COG6: variants seen among roughly 807,000 people sequenced by gnomAD.
COG6 encodes component of oligomeric golgi complex 6, also known as conserved oligomeric Golgi complex subunit 6.
In COG6, 74 loss-of-function variants were observed where a neutral mutation model predicts 88.8. That is an observed-to-expected ratio of 0.83 (90% CI 0.69 to 1.01). The LOEUF is 1.01. COG6 is among the 50% of genes least tolerant of loss of function. The pLI is 0.00. For synonymous variants in COG6, 286 were observed against 278.7 expected, an observed-to-expected ratio of 1.03 and a Z score of -0.26; for missense variants, 800 against 797.9, an observed-to-expected ratio of 1.00 and a Z score of -0.03.
intron 13 of COG6, among the ~76,000 whole-genome samples, chr13:39,714,917 A>C (rs541366989): frequency 1.3e-5 from 2 of 152,316 alleles, no homozygotes; most frequent in South Asian, 4.1e-4. Context: ...ACTTGAATGG[A>C]GCAGGAGGCC....
At chr13:39,694,254 G>A (rs1019451959) in intron 11 of COG6, among the ~76,000 whole-genome samples, 4 of 151,534 alleles carry the variant, frequency 2.6e-5, no homozygotes, top group Admixed American at 2.0e-4. Flanking sequence ...TGAATATTTA[G>A]CAATAAAGCA....
chr13:39,746,940 C>T (rs1267843416), intron 18 of COG6, among the ~76,000 whole-genome samples: 1 of 151,984 alleles, frequency 6.6e-6, no homozygotes, highest in Admixed American at 6.6e-5. Flanking sequence ...TGTATTTATT[C>T]ATGTAGGTAG....
At chr13:39,670,069 T>C (rs1460121958) in intron 4 of COG6, among the ~76,000 whole-genome samples, 1 of 152,244 alleles carries the variant, frequency 6.6e-6, no homozygotes, top group South Asian at 2.1e-4. Flanking sequence ...TTCAGACAAA[T>C]GTATGAATGA....
rs1357248261 is a variant in COG6 at position 39,655,721 on chromosome 13, A to C, written c.-6A>C. 3.1e-6 allele frequency: 5 copies of C among 1,589,276 alleles called. No individual in the cohort carries two copies. The highest frequency in any genetic ancestry group is 2.3e-5 in the East Asian group (1 of 43,466). On this transcript the variant is annotated 5_prime_UTR_variant, in exon 1 of 19. Coordinates refer to ENST00000455146, the MANE Select transcript of COG6 (RefSeq NM_020751.3). Reference sequence around the variant, plus strand: ...GGTGGCAGCAGGGGGCGGGACGCGCAGCGCTATGGCAGAGGGCAGCGGGGA... The same window carrying C: ...GGTGGCAGCAGGGGGCGGGACGCGCCGCGCTATGGCAGAGGGCAGCGGGGA...
chr13:39,668,447 T>C lies in COG6; in HGVS notation c.428+3293T>C, dbSNP rs1373411835. Among the ~76,000 whole-genome samples, 3 of 152,180 alleles carry C rather than the reference T, an allele frequency of 2.0e-5. No individual in the cohort carries two copies. The East Asian group carries it at 5.8e-4, about 29-fold the overall frequency. On this transcript the variant is annotated intron_variant, in intron 4 of 18. Coordinates refer to ENST00000455146, the MANE Select transcript of COG6 (RefSeq NM_020751.3). ...ACTTTGAAAAAACATTTTAACTTTT[T>C]AAATGTTAAACTTTATATTTTGAGA...
At chr13:39,710,072 A>G (rs948964739) in intron 13 of COG6, among the ~76,000 whole-genome samples, 9 of 152,190 alleles carry the variant, frequency 5.9e-5, no homozygotes, top group African/African-American at 1.9e-4. Context: ...GATTAAATCT[A>G]TAGATCAGTT....
chr13:39,692,242 C>G (rs766916044), intron 11 of COG6, among the ~76,000 whole-genome samples: 1 of 151,826 alleles, frequency 6.6e-6, no homozygotes. Flanking sequence ...TGTCTTTATT[C>G]CAAAACTGTA....
At chr13:39,696,845 G>A (rs1467230646) in intron 12 of COG6, among the ~76,000 whole-genome samples, 1 of 150,956 alleles carries the variant, frequency 6.6e-6, no homozygotes, top group Non-Finnish European at 1.5e-5. Flanking sequence ...TTAGAAAGCA[G>A]TTTGTGCTCC....
At chr13:39,696,151 A>G (rs146447707) in intron 12 of COG6, among the ~76,000 whole-genome samples, 1,263 of 98,444 alleles carry the variant, frequency 0.013, 21 homozygotes, top group African/African-American at 0.046. Context: ...GAAGATGACA[A>G]TTAAAATCTT....
intron 18 of COG6, among the ~76,000 whole-genome samples, chr13:39,781,518 C>T (rs1303960439): frequency 6.7e-6 from 1 of 150,270 alleles, no homozygotes; most frequent in African/African-American, 2.5e-5. Flanking sequence ...AGGCTGTGAT[C>T]GCTGAATAAC....
At chr13:39,710,700 G>T (rs1433886673) in intron 13 of COG6, among the ~76,000 whole-genome samples, 1 of 152,096 alleles carries the variant, frequency 6.6e-6, no homozygotes, top group Non-Finnish European at 1.5e-5. Flanking sequence ...TATCATTAAT[G>T]CTTAAATACC....
At chr13:39,720,646 T>A (rs1878802074) in intron 15 of COG6, among the ~76,000 whole-genome samples, 1 of 152,078 alleles carries the variant, frequency 6.6e-6, no homozygotes, top group Non-Finnish European at 1.5e-5. Context: ...CAGTGTACCA[T>A]CCTCTCCACC....
chr13:39,688,950 A>G (rs1566180623), intron 10 of COG6, among the ~76,000 whole-genome samples: 3 of 152,186 alleles, frequency 2.0e-5, no homozygotes. Context: ...TATCTGCAAG[A>G]TGAGTCAGTG....
chr13:39,689,293 G>T (rs142363625), intron 10 of COG6, among the ~76,000 whole-genome samples: 1 of 152,132 alleles, frequency 6.6e-6, no homozygotes, highest in Non-Finnish European at 1.5e-5. Flanking sequence ...TTGATAAATA[G>T]TTGGTGTTTT....
At chr13:39,723,688 G>A (rs1257603448) in intron 16 of COG6, among the ~76,000 whole-genome samples, 1 of 151,964 alleles carries the variant, frequency 6.6e-6, no homozygotes, top group Non-Finnish European at 1.5e-5. Flanking sequence ...ATGGTAGAGT[G>A]CCCCACAGTA....
At chr13:39,722,260 A>G (rs963290020) in intron 15 of COG6, among the ~76,000 whole-genome samples, 1 of 151,490 alleles carries the variant, frequency 6.6e-6, no homozygotes, top group East Asian at 1.9e-4. Flanking sequence ...TTTGGTTTCT[A>G]GTAAATCCAG....
chr13:39,715,217 T>A (rs1031500233), intron 13 of COG6, among the ~76,000 whole-genome samples: 38 of 151,854 alleles, frequency 2.5e-4, no homozygotes, highest in African/African-American at 6.0e-4. Flanking sequence ...TAAAAAAAAA[T>A]TTTTAAAGAT....
intron 5 of COG6, 105 bp downstream of exon 5, chr13:39,677,684 T>G: frequency 1.6e-6 from 1 of 624,500 alleles, no homozygotes; most frequent in South Asian, 2.1e-5. Context: ...AAGTTTCATC[T>G]GAGAATATTT....
intron 18 of COG6, among the ~76,000 whole-genome samples, chr13:39,783,471 A>T (rs1881687986): frequency 6.6e-6 from 1 of 152,126 alleles, no homozygotes; most frequent in African/African-American, 2.4e-5. Context: ...TCCTAATGTC[A>T]TAAACACAAT....
Sources: gnomAD v4.1 joint callset for allele counts (sites outside exome capture counted in the v4.1 genomes callset) on GRCh38, gnomAD v4.1.1 for gene constraint, MANE v1.5 for transcripts, NCBI Gene and HGNC (gene_info 2026-07-23, HGNC 2026-07-21) for gene names.